SPMIP2: variants seen among roughly 807,000 people sequenced by gnomAD.
SPMIP2 encodes the protein protein SPMIP2.
the SPMIP2 span, among the ~76,000 whole-genome samples, chr4:158,993,227 G>T: frequency 6.6e-6 from 1 of 152,038 alleles, no homozygotes; most frequent in South Asian, 2.1e-4. Context: ...TTAGCCAGCC[G>T]CCCATGGCAT....
the SPMIP2 span, among the ~76,000 whole-genome samples, chr4:158,996,805 C>T: frequency 6.6e-6 from 1 of 152,142 alleles, no homozygotes; most frequent in African/African-American, 2.4e-5. Flanking sequence ...GGAAGCCCTT[C>T]CTAGAAAACC....
At chr4:158,983,590 A>C in the SPMIP2 span, among the ~76,000 whole-genome samples, 1 of 33,782 alleles carries the variant, frequency 3.0e-5, no homozygotes, top group Admixed American at 4.2e-4. Context: ...AAAATCCTTT[A>C]CAGACAAGCA....
chr4:158,915,312 G>T, the SPMIP2 span: 1 of 1,613,458 alleles, frequency 6.2e-7, no homozygotes, highest in South Asian at 1.1e-5. Flanking sequence ...GGCAAAAGAA[G>T]CGCGACTCTG....
chr4:158,978,743 GC>G, the SPMIP2 span, among the ~76,000 whole-genome samples: 72 of 152,030 alleles, frequency 4.7e-4, no homozygotes, highest in Non-Finnish European at 8.1e-4. Context: ...TGCAAACCCT[GC>G]TTTTTTTTTG....
the SPMIP2 span, among the ~76,000 whole-genome samples, chr4:158,984,891 CTAAT>C: frequency 6.6e-6 from 1 of 151,618 alleles, no homozygotes; most frequent in African/African-American, 2.4e-5. Context: ...GCTAGCAAGA[CTAAT>C]AAATAAAAAA....
chr4:158,898,871 G>A, the SPMIP2 span, among the ~76,000 whole-genome samples: 2 of 152,126 alleles, frequency 1.3e-5, no homozygotes, highest in South Asian at 2.1e-4. Context: ...CCAATACTAT[G>A]TTGAATAGTT....
At chr4:158,996,029 G>A in the SPMIP2 span, among the ~76,000 whole-genome samples, 4 of 151,908 alleles carry the variant, frequency 2.6e-5, no homozygotes, top group Non-Finnish European at 4.4e-5. Context: ...CCCGTTTTTC[G>A]TCCCTATTAG....
chr4:158,902,605 C>T, the SPMIP2 span, among the ~76,000 whole-genome samples: 5 of 152,212 alleles, frequency 3.3e-5, no homozygotes, highest in African/African-American at 4.8e-5. Flanking sequence ...CCCCCAGGTG[C>T]TCTGTCCCAA....
chr4:158,956,569 GATAA>G, the SPMIP2 span, among the ~76,000 whole-genome samples: 6,619 of 152,096 alleles, frequency 0.044, 468 homozygotes, highest in African/African-American at 0.15. Flanking sequence ...TCTCAAAAAA[GATAA>G]ATAAATAAAA....
the SPMIP2 span, among the ~76,000 whole-genome samples, chr4:158,911,288 C>T: frequency 6.6e-6 from 1 of 151,880 alleles, no homozygotes; most frequent in African/African-American, 2.4e-5. Flanking sequence ...GCGGAGGCTG[C>T]AGTGAGCCAA....
chr4:158,952,287 T>C, the SPMIP2 span, among the ~76,000 whole-genome samples: 1 of 152,224 alleles, frequency 6.6e-6, no homozygotes, highest in Non-Finnish European at 1.5e-5. Flanking sequence ...TTTTGAATTG[T>C]ACTCCCATAA....
At chr4:158,909,157 A>G in the SPMIP2 span, among the ~76,000 whole-genome samples, 2 of 152,194 alleles carry the variant, frequency 1.3e-5, no homozygotes, top group Non-Finnish European at 2.9e-5. Flanking sequence ...GGGGCATTAC[A>G]AAATATTTGC....
At chr4:159,044,493 A>T in the SPMIP2 span, among the ~76,000 whole-genome samples, 1 of 151,478 alleles carries the variant, frequency 6.6e-6, no homozygotes, top group African/African-American at 2.4e-5. Flanking sequence ...GGGAGAAGTT[A>T]AAAAAAAATC....
At chr4:158,923,508 T>C in the SPMIP2 span, among the ~76,000 whole-genome samples, 1 of 151,278 alleles carries the variant, frequency 6.6e-6, no homozygotes, top group Non-Finnish European at 1.5e-5. Context: ...ATTGTTTTAA[T>C]TTCATTTTAG....
chr4:158,922,675 G>A, the SPMIP2 span, among the ~76,000 whole-genome samples: 2 of 152,100 alleles, frequency 1.3e-5, no homozygotes, highest in East Asian at 1.9e-4. Flanking sequence ...AAAAGATTAT[G>A]CAATCACCAC....
At chr4:158,995,070 C>T in the SPMIP2 span, among the ~76,000 whole-genome samples, 3 of 152,112 alleles carry the variant, frequency 2.0e-5, no homozygotes, top group Non-Finnish European at 2.9e-5. Context: ...AAATGATAAA[C>T]TTTCTCATTT....
chr4:158,973,983 CAAAAAAAAAAAA>C, the SPMIP2 span, among the ~76,000 whole-genome samples: 3 of 64,974 alleles, frequency 4.6e-5, no homozygotes, highest in South Asian at 7.1e-4. Context: ...AAGGCCACCT[CAAAAAAAAAAAA>C]AAAAAAAAAA....
chr4:158,969,215 G>T, the SPMIP2 span, among the ~76,000 whole-genome samples: 4 of 152,270 alleles, frequency 2.6e-5, 1 homozygote, highest in Admixed American at 2.6e-4. Flanking sequence ...AGGAAGCCAG[G>T]AGTCCCCATT....
chr4:158,955,635 A>G, the SPMIP2 span, among the ~76,000 whole-genome samples: 3 of 152,158 alleles, frequency 2.0e-5, no homozygotes, highest in African/African-American at 7.2e-5. Context: ...CAAACTCCTG[A>G]CCTCAGGTGA....
Sources: allele counts gnomAD v4.1 joint callset (sites outside exome capture counted in the v4.1 genomes callset), GRCh38; gene constraint gnomAD v4.1.1; transcripts MANE v1.5; gene names NCBI Gene and HGNC (gene_info 2026-07-23, HGNC 2026-07-21).